Variants in KIF6 observed in about 807,000 individuals in gnomAD.
KIF6 encodes the protein kinesin-like protein KIF6.
KIF6 carries 106 observed loss-of-function variants against 112.7 expected under a neutral mutation model. That is an observed-to-expected ratio of 0.94 (90% CI 0.80 to 1.11). KIF6 has a LOEUF of 1.11. KIF6 is among the 50% of genes least tolerant of loss of function. KIF6 has a pLI of 0.00. For missense variants in KIF6, 929 were observed against 964.0 expected, an observed-to-expected ratio of 0.96 and a Z score of 0.48; for synonymous variants, 339 against 339.9, an observed-to-expected ratio of 1.00 and a Z score of 0.03.
intron 4 of KIF6, 71 bp from the exon 5 acceptor site, chr6:39,635,029 T>G: frequency 1.2e-6 from 1 of 808,794 alleles, no homozygotes; most frequent in East Asian, 2.5e-5. Context: ...GATGAACACA[T>G]TTAGCACTCA....
intron 16 of KIF6, among the ~76,000 whole-genome samples, chr6:39,377,951 C>A (rs1304805817): frequency 6.6e-6 from 1 of 152,078 alleles, no homozygotes; most frequent in African/African-American, 2.4e-5. Context: ...AGGGGTAGTG[C>A]CCAAGAGGTA....
chr6:39,522,824 G>A (rs1777472094), intron 13 of KIF6, among the ~76,000 whole-genome samples: 1 of 152,044 alleles, frequency 6.6e-6, no homozygotes, highest in African/African-American at 2.4e-5. Context: ...GCCAATACTG[G>A]GGCTCCTTAA....
intron 10 of KIF6, among the ~76,000 whole-genome samples, chr6:39,563,479 T>A (rs181928937): frequency 6.6e-6 from 1 of 152,368 alleles, no homozygotes; most frequent in East Asian, 1.9e-4. Flanking sequence ...AATATGTAGA[T>A]ACATGTATAT....
intron 13 of KIF6, among the ~76,000 whole-genome samples, chr6:39,498,504 C>CT (rs1775915259): frequency 1.3e-5 from 2 of 152,078 alleles, no homozygotes; most frequent in Admixed American, 6.5e-5. Flanking sequence ...CCAGGGCAAA[C>CT]TTTTTTTGTG....
intron 10 of KIF6, among the ~76,000 whole-genome samples, chr6:39,559,200 T>C (rs1044522307): frequency 1.1e-4 from 16 of 152,300 alleles, no homozygotes; most frequent in Middle Eastern, 3.4e-3. Flanking sequence ...AGGTTATTGC[T>C]TTATAGACAG....
intron 15 of KIF6, among the ~76,000 whole-genome samples, chr6:39,408,483 G>A (rs1769245079): frequency 6.6e-6 from 1 of 152,122 alleles, no homozygotes; most frequent in Admixed American, 6.5e-5. Flanking sequence ...GTAGTTAATA[G>A]TATTTACATA....
intron 13 of KIF6, among the ~76,000 whole-genome samples, chr6:39,538,084 T>C (rs1373921186): frequency 6.6e-6 from 1 of 152,184 alleles, no homozygotes; most frequent in Admixed American, 6.5e-5. Context: ...GATTAAAGAC[T>C]TAAATGTTAG....
At chr6:39,662,446 C>A (rs1199310326) in intron 3 of KIF6, among the ~76,000 whole-genome samples, 2 of 152,098 alleles carry the variant, frequency 1.3e-5, no homozygotes, top group Non-Finnish European at 2.9e-5. Context: ...AAAATTTCAA[C>A]TGTTAAATTT....
intron 13 of KIF6, among the ~76,000 whole-genome samples, chr6:39,485,872 C>T (rs556377207): frequency 6.6e-6 from 1 of 152,300 alleles, no homozygotes; most frequent in Admixed American, 6.5e-5. Flanking sequence ...TCCTTTTTGA[C>T]TCATTGAATC....
intron 15 of KIF6, among the ~76,000 whole-genome samples, chr6:39,399,565 T>G (rs1177662510): frequency 1.3e-5 from 2 of 152,216 alleles, no homozygotes; most frequent in Non-Finnish European, 1.5e-5. Context: ...GAAGACTGAA[T>G]GGCCCAGAGT....
chr6:39,428,074 T>C (rs779871698), intron 14 of KIF6, among the ~76,000 whole-genome samples: 1 of 152,234 alleles, frequency 6.6e-6, no homozygotes, highest in Non-Finnish European at 1.5e-5. Flanking sequence ...TTAGGGATTC[T>C]GGATCTCATG....
intron 6 of KIF6, among the ~76,000 whole-genome samples, chr6:39,598,116 G>A (rs1484071485): frequency 6.6e-6 from 1 of 152,170 alleles, no homozygotes; most frequent in Non-Finnish European, 1.5e-5. Flanking sequence ...GAACCCCGGA[G>A]GCAGAGGTTG....
intron 13 of KIF6, among the ~76,000 whole-genome samples, chr6:39,502,079 A>G (rs1210918330): frequency 1.3e-5 from 2 of 152,208 alleles, no homozygotes; most frequent in African/African-American, 4.8e-5. Flanking sequence ...TGTTAAGGGC[A>G]GCCAGATAGA....
intron 7 of KIF6, among the ~76,000 whole-genome samples, chr6:39,591,096 GGCAT>G (rs945836078): frequency 7.2e-5 from 11 of 152,264 alleles, no homozygotes; most frequent in Admixed American, 5.2e-4. Flanking sequence ...AGGTTCAGTA[GGCAT>G]GAGCGTGGGT....
At chr6:39,597,731 T>C (rs1228801685) in intron 6 of KIF6, among the ~76,000 whole-genome samples, 1 of 152,084 alleles carries the variant, frequency 6.6e-6, no homozygotes, top group Non-Finnish European at 1.5e-5. Flanking sequence ...CTTTAAGATA[T>C]AAAACACAAA....
intron 13 of KIF6, among the ~76,000 whole-genome samples, chr6:39,499,924 A>G (rs959250821): frequency 6.6e-6 from 1 of 152,214 alleles, no homozygotes; most frequent in African/African-American, 2.4e-5. Flanking sequence ...CAACAGAGGA[A>G]GGTATAAGCA....
intron 2 of KIF6, among the ~76,000 whole-genome samples, chr6:39,715,730 G>A (rs1288837858): frequency 6.6e-6 from 1 of 152,046 alleles, no homozygotes; most frequent in Non-Finnish European, 1.5e-5. Flanking sequence ...CCATTTTAGA[G>A]AAGCAAACAA....
intron 5 of KIF6, among the ~76,000 whole-genome samples, chr6:39,630,446 T>C (rs922442456): frequency 9.9e-5 from 15 of 152,092 alleles, no homozygotes; most frequent in Non-Finnish European, 5.9e-5. Context: ...TTGATGCTAA[T>C]GTAGGCAGTA....
intron 13 of KIF6, among the ~76,000 whole-genome samples, chr6:39,462,401 G>A (rs1013384933): frequency 5.3e-5 from 8 of 152,166 alleles, no homozygotes; most frequent in Non-Finnish European, 1.0e-4. Flanking sequence ...AAGTAATAAA[G>A]TGAGACCCTG....
Sources: allele counts gnomAD v4.1 joint callset (sites outside exome capture counted in the v4.1 genomes callset), GRCh38; gene constraint gnomAD v4.1.1; transcripts MANE v1.5; gene names NCBI Gene and HGNC (gene_info 2026-07-23, HGNC 2026-07-21).